LPP: variants seen among roughly 807,000 people sequenced by gnomAD.
LPP encodes the protein LIM domain containing preferred translocation partner in lipoma.
LPP carries 38 observed loss-of-function variants against 60.4 expected under a neutral mutation model. The observed-to-expected ratio is 0.63, with a 90% confidence interval of 0.49 to 0.83. The LOEUF (loss-of-function observed/expected upper bound fraction) is 0.83, where lower values mean the gene tolerates loss of function less well. LPP is among the 40% of genes least tolerant of loss of function. LPP has a pLI of 0.00. For missense variants in LPP, 902 were observed against 783.6 expected, an observed-to-expected ratio of 1.15 and a Z score of -1.80; for synonymous variants, 328 against 290.8, an observed-to-expected ratio of 1.13 and a Z score of -1.30.
intron 3 of LPP, among the ~76,000 whole-genome samples, chr3:188,364,633 G>A (rs1770573581): frequency 6.6e-6 from 1 of 152,168 alleles, no homozygotes; most frequent in Non-Finnish European, 1.5e-5. Flanking sequence ...TGGAGGAGGA[G>A]GGTTTTGATC....
At chr3:188,646,853 G>A (rs1156514171) in intron 7 of LPP, among the ~76,000 whole-genome samples, 1 of 152,146 alleles carries the variant, frequency 6.6e-6, no homozygotes, top group Non-Finnish European at 1.5e-5. Flanking sequence ...GCTATAAAAG[G>A]AACAAACAAA....
At chr3:188,378,927 G>C (rs1476288558) in intron 3 of LPP, among the ~76,000 whole-genome samples, 1 of 152,108 alleles carries the variant, frequency 6.6e-6, no homozygotes, top group African/African-American at 2.4e-5. Flanking sequence ...CCTTCCATGT[G>C]TTAATTACTT....
intron 5 of LPP, among the ~76,000 whole-genome samples, chr3:188,505,645 T>C (rs116325989): frequency 0.014 from 2,203 of 152,336 alleles, 51 homozygotes; most frequent in African/African-American, 0.051. Context: ...TTATATTTTC[T>C]AGTCTTGCCA....
chr3:188,581,105 A>C (rs1835975007), intron 6 of LPP, among the ~76,000 whole-genome samples: 1 of 152,136 alleles, frequency 6.6e-6, no homozygotes, highest in Non-Finnish European at 1.5e-5. Flanking sequence ...AGCCTGAAAA[A>C]ATTAACACAC....
chr3:188,804,246 TA>T (rs1748294939), intron 9 of LPP, among the ~76,000 whole-genome samples: 1 of 55,628 alleles, frequency 1.8e-5, no homozygotes, highest in African/African-American at 6.5e-5. Flanking sequence ...TGCATCTTTA[TA>T]TATATATATA....
intron 6 of LPP, among the ~76,000 whole-genome samples, chr3:188,557,237 T>C (rs1419090507): frequency 6.6e-6 from 1 of 152,118 alleles, no homozygotes; most frequent in Non-Finnish European, 1.5e-5. Context: ...TGGTTTGATA[T>C]TTGTTTCCTT....
At chr3:188,786,741 T>A (rs1222869102) in intron 9 of LPP, among the ~76,000 whole-genome samples, 1 of 152,156 alleles carries the variant, frequency 6.6e-6, no homozygotes, top group East Asian at 1.9e-4. Context: ...TGGAATACGA[T>A]TTAGCAATAA....
chr3:188,369,664 G>A (rs557736394), intron 3 of LPP, among the ~76,000 whole-genome samples: 2 of 152,272 alleles, frequency 1.3e-5, no homozygotes, highest in African/African-American at 4.8e-5. Context: ...AGTGCTTTCC[G>A]TCGATAAGCT....
intron 2 of LPP, among the ~76,000 whole-genome samples, chr3:188,234,712 T>C (rs937300842): frequency 6.6e-6 from 1 of 152,190 alleles, no homozygotes; most frequent in African/African-American, 2.4e-5. Flanking sequence ...CCATGACTTA[T>C]TGAAAACACA....
chr3:188,488,929 G>A (rs1341215631), intron 5 of LPP, among the ~76,000 whole-genome samples: 4 of 152,094 alleles, frequency 2.6e-5, no homozygotes, highest in East Asian at 1.9e-4. Context: ...GATCCACCGC[G>A]CCCGGCCAGT....
intron 7 of LPP, among the ~76,000 whole-genome samples, chr3:188,677,377 G>A (rs1028893187): frequency 3.9e-5 from 6 of 151,988 alleles, no homozygotes; most frequent in African/African-American, 1.4e-4. Context: ...AATCATTAAG[G>A]GTCTTTTATT....
chr3:188,418,083 A>G (rs1405933329), intron 4 of LPP, among the ~76,000 whole-genome samples: 1 of 152,192 alleles, frequency 6.6e-6, no homozygotes, highest in African/African-American at 2.4e-5. Flanking sequence ...TTCTCACATA[A>G]TATCTAGTTT....
rs984807606 is a variant in LPP, at chr3:188,883,107, A to G, written c.*8628A>G. On this transcript the variant is annotated 3_prime_UTR_variant, in exon 12 of 12. Transcript: ENST00000617246. Reference sequence around the variant, plus strand: ...AGCTACACGACTTTAAAACAGAGCCAGCCTTTGGGGCATATGTTCTCTTTG... The same window carrying G: ...AGCTACACGACTTTAAAACAGAGCCGGCCTTTGGGGCATATGTTCTCTTTG... 9 of 216,650 alleles carry G rather than the reference A, an allele frequency of 4.2e-5. No individual in the cohort carries two copies. Among genetic ancestry groups the G allele is most frequent in the African/African-American group, 2.0e-4 (9 of 44,400 alleles). The allele number at this position is 216,650 out of a possible 1,614,324, so 13.4% of individuals were successfully genotyped here.
intron 5 of LPP, among the ~76,000 whole-genome samples, chr3:188,499,001 CT>C (rs1187539771): frequency 1.3e-5 from 2 of 151,830 alleles, no homozygotes; most frequent in Admixed American, 6.6e-5. Context: ...TTGAATTTGA[CT>C]TTTTTTTCTT....
chr3:188,641,137 C>T (rs1055898266), intron 7 of LPP, among the ~76,000 whole-genome samples: 2 of 151,906 alleles, frequency 1.3e-5, no homozygotes, highest in African/African-American at 2.4e-5. Context: ...CAGGAAACTG[C>T]GTTATGCATT....
intron 9 of LPP, among the ~76,000 whole-genome samples, chr3:188,859,812 T>G (rs1005850213): frequency 1.3e-5 from 2 of 151,970 alleles, no homozygotes; most frequent in Non-Finnish European, 2.9e-5. Flanking sequence ...GGTAGGGGGG[T>G]GTGTCATGAC....
intron 6 of LPP, among the ~76,000 whole-genome samples, chr3:188,571,737 G>A (rs747985749): frequency 9.9e-5 from 15 of 152,008 alleles, no homozygotes; most frequent in Admixed American, 2.0e-4. Context: ...TGTATCCTCC[G>A]CTTGCCAGCT....
chr3:188,248,497 T>TATATATATATATATATATACAC (rs1288280759), intron 2 of LPP, among the ~76,000 whole-genome samples: 8 of 140,720 alleles, frequency 5.7e-5, no homozygotes, highest in Admixed American at 5.6e-4. Flanking sequence ...TATATATATA[T>TATATATATATATATATATACAC]ACAGTCAGCA....
intron 7 of LPP, among the ~76,000 whole-genome samples, chr3:188,676,918 C>G (rs765145691): frequency 1.3e-5 from 2 of 152,114 alleles, no homozygotes; most frequent in African/African-American, 2.4e-5. Context: ...GGGACTTTCA[C>G]CCTTGTAGGC....
Sources: allele counts gnomAD v4.1 joint callset (sites outside exome capture counted in the v4.1 genomes callset), GRCh38; gene constraint gnomAD v4.1.1; transcripts MANE v1.5; gene names NCBI Gene and HGNC (gene_info 2026-07-23, HGNC 2026-07-21).